The following FANK1 variants were observed in gnomAD, a reference collection of about 807,000 sequenced individuals.
FANK1 encodes the protein fibronectin type III and ankyrin repeat domains 1, also known as fibronectin type 3 and ankyrin repeat domains protein 1.
FANK1 carries 44 observed loss-of-function variants against 45.3 expected under a neutral mutation model. The observed-to-expected ratio is 0.97, with a 90% CI of 0.76 to 1.25. The LOEUF (loss-of-function observed/expected upper bound fraction) is 1.25. Among genes scored for constraint, FANK1 ranks in the 50% most tolerant of loss-of-function variants. The probability of loss-of-function intolerance (pLI) is 0.00; values close to 1 mark genes in which losing one functional copy is unlikely to be tolerated. For missense variants in FANK1, 391 were observed against 424.4 expected, an observed-to-expected ratio of 0.92 and a Z score of 0.69; for synonymous variants, 149 against 152.5, an observed-to-expected ratio of 0.98 and a Z score of 0.17.
intron 1 of FANK1, among the ~76,000 whole-genome samples, chr10:125,919,623 G>A (rs1204419795): frequency 4.6e-5 from 7 of 152,134 alleles, no homozygotes; most frequent in African/African-American, 7.2e-5. Flanking sequence ...GGTGGTTGCT[G>A]TTATTCTGTT....
chr10:125,986,575 A>T (rs921447359), intron 2 of FANK1, among the ~76,000 whole-genome samples: 1 of 152,156 alleles, frequency 6.6e-6, no homozygotes, highest in Non-Finnish European at 1.5e-5. Context: ...CAGTGAGAGT[A>T]CCTAGACCAT....
chr10:125,951,258 A>G (rs1012764018), intron 1 of FANK1, among the ~76,000 whole-genome samples: 2 of 152,080 alleles, frequency 1.3e-5, no homozygotes, highest in African/African-American at 4.8e-5. Context: ...AAAGAACAAA[A>G]CAACCAATAT....
At chr10:125,911,854 A>G (rs1946038800) in intron 1 of FANK1, among the ~76,000 whole-genome samples, 1 of 151,968 alleles carries the variant, frequency 6.6e-6, no homozygotes, top group South Asian at 2.1e-4. Context: ...TCCACTGCAT[A>G]CCTTTGTGTC....
intron 1 of FANK1, among the ~76,000 whole-genome samples, chr10:125,915,108 G>A (rs78786953): frequency 2.0e-5 from 3 of 152,122 alleles, no homozygotes; most frequent in African/African-American, 7.2e-5. Flanking sequence ...CTGAGTCGGG[G>A]CCCAGTGTTG....
chr10:125,909,416 T>C (rs1945807272), intron 1 of FANK1, among the ~76,000 whole-genome samples: 2 of 152,146 alleles, frequency 1.3e-5, no homozygotes, highest in Admixed American at 6.5e-5. Flanking sequence ...TTTTCATTGA[T>C]TTCACTTTTA....
At chr10:125,914,186 G>A (rs1397800139) in intron 1 of FANK1, among the ~76,000 whole-genome samples, 2 of 151,636 alleles carry the variant, frequency 1.3e-5, no homozygotes, top group African/African-American at 2.4e-5. Context: ...CATAGGATAT[G>A]TTAAGTGATG....
rs533854332 is a variant in FANK1 at position 125,927,219 on chromosome 10, C to T, written c.13+30564C>T. 6.6e-3 allele frequency among the ~76,000 whole-genome samples: 1,006 copies of T among 152,334 alleles called. 1 individual carries two copies. The highest frequency in any genetic ancestry group is 0.011 in the Admixed American group (171 of 15,306). Reference sequence around the variant, plus strand: ...ATCTCCCTGGCTCAAGCGATCCTCCCACCTTAGCCTCCTGAGTAGCTGGGA... The same window carrying T: ...ATCTCCCTGGCTCAAGCGATCCTCCTACCTTAGCCTCCTGAGTAGCTGGGA... On this transcript the variant is annotated intron_variant, in intron 1 of 10. Coordinates refer to ENST00000368693, the MANE Select transcript of FANK1 (RefSeq NM_145235.5).
intron 3 of FANK1, among the ~76,000 whole-genome samples, chr10:125,990,396 TA>T (rs1253947257): frequency 1.3e-5 from 2 of 151,968 alleles, no homozygotes; most frequent in Non-Finnish European, 2.9e-5. Context: ...ACCCTTTCTT[TA>T]AAAAAAGAAG....
intron 1 of FANK1, among the ~76,000 whole-genome samples, chr10:125,941,352 G>A (rs904834098): frequency 1.4e-4 from 21 of 152,154 alleles, no homozygotes; most frequent in African/African-American, 5.1e-4. Context: ...GGAAAACAGG[G>A]AAATAAGACC....
intron 1 of FANK1, among the ~76,000 whole-genome samples, chr10:125,939,934 ATTT>A (rs1190885268): frequency 4.0e-5 from 6 of 149,856 alleles, no homozygotes; most frequent in African/African-American, 4.9e-5. Context: ...TATTATTATT[ATTT>A]TTTTTTTTTT....
chr10:125,967,379 T>A (rs1221602447), intron 1 of FANK1, among the ~76,000 whole-genome samples: 1 of 152,154 alleles, frequency 6.6e-6, no homozygotes, highest in African/African-American at 2.4e-5. Flanking sequence ...TAGCAGTTTA[T>A]AAGGTTGTTG....
chr10:125,990,360 C>A (rs1210674088), intron 3 of FANK1, among the ~76,000 whole-genome samples: 4 of 152,114 alleles, frequency 2.6e-5, no homozygotes, highest in Admixed American at 6.5e-5. Flanking sequence ...CACCACTGCA[C>A]TCTCCAGCCT....
chr10:125,968,444 C>T (rs1410388415), intron 1 of FANK1, among the ~76,000 whole-genome samples: 4 of 152,216 alleles, frequency 2.6e-5, no homozygotes, highest in Non-Finnish European at 5.9e-5. Flanking sequence ...AATTTGACTT[C>T]GGTAAATTTT....
chr10:125,988,418 A>G (rs957462887), intron 2 of FANK1, 133 bp from the exon 3 acceptor site: 14 of 1,260,514 alleles, frequency 1.1e-5, no homozygotes, highest in Non-Finnish European at 1.6e-5. Flanking sequence ...CTCGGAGTTC[A>G]GCAAAGCAGG....
chr10:125,921,906 A>G (rs1192649404), intron 1 of FANK1, among the ~76,000 whole-genome samples: 2 of 152,194 alleles, frequency 1.3e-5, no homozygotes, highest in Non-Finnish European at 2.9e-5. Context: ...CCACCCCTGC[A>G]AAGAACCAAC....
At chr10:125,944,571 A>G (rs1261051773) in intron 1 of FANK1, among the ~76,000 whole-genome samples, 3 of 152,188 alleles carry the variant, frequency 2.0e-5, no homozygotes, top group African/African-American at 4.8e-5. Context: ...GCACTGTAAC[A>G]TGTTCATAAT....
chr10:125,932,026 T>C (rs912493207), intron 1 of FANK1, among the ~76,000 whole-genome samples: 1 of 152,156 alleles, frequency 6.6e-6, no homozygotes, highest in African/African-American at 2.4e-5. Context: ...TGGGCTTATT[T>C]TTGGGTTCTC....
intron 1 of FANK1, among the ~76,000 whole-genome samples, chr10:125,918,481 G>A (rs113212740): frequency 0.018 from 2,517 of 136,468 alleles, 33 homozygotes; most frequent in African/African-American, 0.065. Flanking sequence ...CTTGAACCCG[G>A]GAGGCGGAGT....
At chr10:125,921,498 T>C (rs1368900630) in intron 1 of FANK1, among the ~76,000 whole-genome samples, 2 of 152,188 alleles carry the variant, frequency 1.3e-5, no homozygotes, top group Non-Finnish European at 2.9e-5. Flanking sequence ...GCTTTTTGTC[T>C]GAGCATAGGT....
Sources: gnomAD v4.1 joint callset for allele counts (sites outside exome capture counted in the v4.1 genomes callset) on GRCh38, gnomAD v4.1.1 for gene constraint, MANE v1.5 for transcripts, NCBI Gene and HGNC (gene_info 2026-07-23, HGNC 2026-07-21) for gene names.